Variants in CD99 observed in about 807,000 individuals in gnomAD.
CD99 encodes the protein CD99 molecule (Xg blood group).
A neutral mutation model predicts 28.4 loss-of-function variants in CD99; 19 were observed. The ratio of observed to expected loss-of-function variants is 0.67; its 90% CI spans 0.47 to 0.98. The LOEUF (loss-of-function observed/expected upper bound fraction) is 0.98, where lower values mean the gene tolerates loss of function less well. Among genes scored for constraint, CD99 ranks in the 50% least tolerant of loss-of-function variants. CD99 has a pLI of 0.00. For missense variants in CD99, 283 were observed against 248.8 expected (o/e 1.14, Z -0.92); for synonymous variants, 103 against 92.1 (o/e 1.12, Z -0.67).
chrX:2,729,945 G>A (rs1012015052), intron 8 of CD99, among the ~76,000 whole-genome samples: 3 of 152,092 alleles, frequency 2.0e-5, no homozygotes, highest in Non-Finnish European at 4.4e-5. Flanking sequence ...TTGAGCCCAG[G>A]AGTTCAAGAT....
At chrX:2,703,478 C>T (rs1370235466) in intron 1 of CD99, among the ~76,000 whole-genome samples, 2 of 152,150 alleles carry the variant, frequency 1.3e-5, no homozygotes, top group Non-Finnish European at 2.9e-5. Flanking sequence ...TTCATGACCT[C>T]TGGGAACGTA....
At chrX:2,720,306 T>C in intron 4 of CD99, 50 bp from the exon 5 acceptor site, 1 of 1,545,216 alleles carries the variant, frequency 6.5e-7, no homozygotes, top group Non-Finnish European at 9.0e-7. Flanking sequence ...ATGTTTCATT[T>C]TCTTTACTGC....
chrX:2,703,860 G>A (rs367879839), intron 1 of CD99, among the ~76,000 whole-genome samples: 8 of 152,192 alleles, frequency 5.3e-5, no homozygotes, highest in African/African-American at 1.9e-4. Context: ...TAGCCTTGGG[G>A]GGTGATCACT....
At chrX:2,713,566 T>C (rs1285253630) in intron 1 of CD99, among the ~76,000 whole-genome samples, 1 of 152,198 alleles carries the variant, frequency 6.6e-6, no homozygotes, top group East Asian at 1.9e-4. Context: ...CTGTGACATA[T>C]GCATGCACGC....
chrX:2,727,688 G>A (rs1238135167), intron 8 of CD99, among the ~76,000 whole-genome samples: 1 of 152,054 alleles, frequency 6.6e-6, no homozygotes, highest in African/African-American at 2.4e-5. Context: ...TGTTGGCCAG[G>A]CTGGTCTCCA....
intron 2 of CD99, among the ~76,000 whole-genome samples, chrX:2,716,156 T>C (rs1345921719): frequency 1.3e-5 from 2 of 151,794 alleles, no homozygotes; most frequent in Admixed American, 6.6e-5. Flanking sequence ...GTAACTGGGA[T>C]TACAGGCATG....
intron 8 of CD99, chrX:2,727,386 A>C (rs757198669): frequency 2.6e-6 from 2 of 772,486 alleles, no homozygotes; most frequent in Admixed American, 3.5e-5. Flanking sequence ...ACGTGCATGC[A>C]TCACTGGGCA....
At position 2,722,049 on chromosome X, in the gene CD99, G is replaced by T. The variant is rs754250091; in HGVS notation, c.263-578G>T. ...TGTCTTCACACCATCTCCAATATTA[G>T]TTATCACCTAGGAAACCTTTGCAAA... On this transcript the variant is annotated intron_variant, in intron 5 of 9. Transcript: ENST00000381192. Among the ~76,000 whole-genome samples the T allele has an allele frequency of 1.1e-4, 17 of 151,550 alleles. No individual in the cohort carries two copies. In the South Asian group the frequency reaches 3.5e-3, roughly 32 times the overall value.
At chrX:2,717,065 G>A (rs2048758192) in intron 2 of CD99, among the ~76,000 whole-genome samples, 1 of 152,170 alleles carries the variant, frequency 6.6e-6, no homozygotes, top group South Asian at 2.1e-4. Flanking sequence ...AGTGGAGAAG[G>A]GCTGGGCACG....
At chrX:2,701,790 A>G (rs1047963795) in intron 1 of CD99, among the ~76,000 whole-genome samples, 4 of 152,224 alleles carry the variant, frequency 2.6e-5, no homozygotes, top group African/African-American at 9.6e-5. Flanking sequence ...TTTGGGTAAC[A>G]GCATGCAGAA....
At chrX:2,717,070 G>C (rs1365302609) in intron 2 of CD99, among the ~76,000 whole-genome samples, 1 of 152,038 alleles carries the variant, frequency 6.6e-6, no homozygotes, top group Non-Finnish European at 1.5e-5. Flanking sequence ...AGAAGGGCTG[G>C]GCACGGTGGC....
intron 3 of CD99, chrX:2,718,126 A>T: frequency 6.2e-6 from 1 of 162,510 alleles, no homozygotes; most frequent in Non-Finnish European, 1.3e-5. Flanking sequence ...TTTTTAGTCG[A>T]GACGAGGTTT....
At chrX:2,733,978 A>G (rs190380557) in intron 8 of CD99, among the ~76,000 whole-genome samples, 1 of 152,284 alleles carries the variant, frequency 6.6e-6, no homozygotes, top group Admixed American at 6.5e-5. Context: ...AATCACCTAA[A>G]CATCTCCTGA....
rs4717 is a variant in CD99 at position 2,738,242 on chromosome X, A to G, written c.518A>G (p.Asn173Ser). The change falls in exon 9 of 10, where the codon AAC becomes AGC. Residue 173 changes from asparagine to serine, a missense_variant. By Grantham distance (46) the Asn-to-Ser change is conservative. Transcript: ENST00000381192. ...EVDMESHRNA[N>S]AEPAVQRTLL... is the part of the protein sequence containing the mutation. ...GACATGGAGAGCCACCGGAATGCCA[A>G]CGCAGAGCCAGCTGGTAAGAAGGAC... The G allele has an allele frequency of 4.3e-6, 7 of 1,613,740 alleles. No individual in the cohort carries two copies. The highest frequency in any genetic ancestry group is 2.2e-5 in the East Asian group (1 of 44,890).
intron 6 of CD99, among the ~76,000 whole-genome samples, chrX:2,723,040 A>T (rs2049078312): frequency 6.6e-6 from 1 of 152,170 alleles, no homozygotes; most frequent in African/African-American, 2.4e-5. Context: ...TCTGTAATTT[A>T]AGGAATGTGA....
At position 2,699,316 on chromosome X, in the gene CD99, C is replaced by T. The variant is rs1186262842; in HGVS notation, c.67+7889C>T. 4.0e-5 allele frequency among the ~76,000 whole-genome samples: 6 copies of T among 151,684 alleles called. No individual in the cohort carries two copies. In the East Asian group the frequency reaches 7.7e-4, roughly 20 times the overall value. ...TCCTGAGTAGCTGGAACTACAGGCA[C>T]GCACCACCACGCCTGGCTAATTTTT... is the stretch of plus-strand genomic sequence containing the variant. On this transcript the variant is annotated intron_variant, in intron 1 of 9. Transcript: ENST00000381192.
chrX:2,692,282 T>A (rs1396637622), intron 1 of CD99: 2 of 252,902 alleles, frequency 7.9e-6, no homozygotes, highest in Non-Finnish European at 1.5e-5. Context: ...GTGCATTTTT[T>A]GCTCTTCGTA....
intron 8 of CD99, chrX:2,726,588 C>A (rs1430321454): frequency 4.5e-6 from 3 of 670,226 alleles, no homozygotes; most frequent in South Asian, 3.0e-5. Context: ...TTACAAGTTC[C>A]CCACTGCTGC....
intron 8 of CD99, 125 bp from the exon 9 acceptor site, chrX:2,738,075 C>CT (rs1296777309): frequency 3.5e-6 from 3 of 854,792 alleles, no homozygotes; most frequent in South Asian, 2.6e-5. Flanking sequence ...GGGTTCAGAA[C>CT]TGAGTGCTCT....
Sources: allele counts gnomAD v4.1 joint callset (sites outside exome capture counted in the v4.1 genomes callset), GRCh38; gene constraint gnomAD v4.1.1; transcripts MANE v1.5; gene names NCBI Gene and HGNC (gene_info 2026-07-23, HGNC 2026-07-21).